Variants in ANP32E observed in about 807,000 individuals in gnomAD.
ANP32E encodes acidic leucine-rich nuclear phosphoprotein 32 family member E.
ANP32E carries 14 observed loss-of-function variants against 35.3 expected under a neutral mutation model. That is an observed-to-expected ratio of 0.40 (90% confidence interval 0.26 to 0.62). ANP32E has a LOEUF of 0.62. Ranked by LOEUF, ANP32E falls within the 20% of genes least tolerant of loss-of-function variation. The pLI, the probability that ANP32E is intolerant of heterozygous loss-of-function variation, is 0.45. For missense variants in ANP32E, 198 were observed against 304.4 expected, an observed-to-expected ratio of 0.65 and a Z score of 2.60; for synonymous variants, 89 against 110.4, an observed-to-expected ratio of 0.81 and a Z score of 1.22.
intron 1 of ANP32E, among the ~76,000 whole-genome samples, chr1:150,233,494 T>G (rs1572034127): frequency 6.6e-6 from 1 of 152,128 alleles, no homozygotes; most frequent in East Asian, 1.9e-4. Context: ...CTTAACAAAA[T>G]GTTACTTCTC....
intron 1 of ANP32E, among the ~76,000 whole-genome samples, chr1:150,233,264 C>CA (rs60732970): frequency 0.033 from 2,791 of 85,356 alleles, 49 homozygotes; most frequent in Middle Eastern, 0.056. Flanking sequence ...GACTCTATCT[C>CA]AAAAAAAAAA....
chr1:150,226,007 G>GTTTTT (rs34846816), intron 5 of ANP32E, among the ~76,000 whole-genome samples: 4 of 138,356 alleles, frequency 2.9e-5, no homozygotes, highest in Non-Finnish European at 3.1e-5. Flanking sequence ...GATATAACCT[G>GTTTTT]TTTTTTTTTT....
At position 150,228,085 on chromosome 1, in the gene ANP32E, T is replaced by C. The variant is rs776718362; in HGVS notation, c.493+987A>G. On this transcript the variant is annotated intron_variant, in intron 4 of 6. Coordinates refer to ENST00000583931, the MANE Select transcript of ANP32E (RefSeq NM_030920.5). ...TATTCTGAACCATATATATATTATA[T>C]ATATATATATGGTTTTTTGTTTGCT... is the stretch of plus-strand genomic sequence containing the variant. Among the ~76,000 whole-genome samples, 211 of 151,384 alleles carry C rather than the reference T, an allele frequency of 1.4e-3. 1 individual carries two copies. The highest frequency in any genetic ancestry group is 2.5e-3 in the Non-Finnish European group (173 of 67,856).
rs1423439530 is a variant in ANP32E at position 150,220,700 on chromosome 1, T to C, written c.798A>G (p.Glu266=). 3 of 1,613,432 alleles carry C rather than the reference T, an allele frequency of 1.9e-6. No homozygotes were observed. Among genetic ancestry groups the C allele is most frequent in the Non-Finnish European group, 2.5e-6 (3 of 1,179,504 alleles). Residue 266 remains glutamate (E), a synonymous_variant, in exon 7 of 7, where the codon GAA becomes GAG. Coordinates refer to ENST00000583931, the MANE Select transcript of ANP32E (RefSeq NM_030920.5). The stretch of plus-strand genomic sequence containing the variant: ...CTGGTCTTAGAATGATCTAGTCATC[T>C]TCTTCCTCTCCATCGTCTTCAGCAT... ...KRDAEDDGEE[E]DD is the part of the protein sequence containing the mutation.
intron 4 of ANP32E, among the ~76,000 whole-genome samples, chr1:150,227,806 T>TTTTTTTTTTTTTTTTTTTTTTGAG (rs1553840516): frequency 1.4e-5 from 2 of 142,370 alleles, no homozygotes; most frequent in African/African-American, 2.5e-5. Flanking sequence ...AATTTCTTTT[T>TTTTTTTTTTTTTTTTTTTTTTGAG]ACGATGAAGA....
rs1648153977 is a variant in ANP32E at position 150,219,201 on chromosome 1, C to T, written c.*1490G>A. On this transcript the variant is annotated 3_prime_UTR_variant, in exon 7 of 7. Transcript: ENST00000583931. ...TTTGCTGACACTAACTTCTTAAAAACTTACAAATATTCAAAACAAAGGGAA... is the reference window on the plus strand; with the variant it reads ...TTTGCTGACACTAACTTCTTAAAAATTTACAAATATTCAAAACAAAGGGAA... 6.6e-6 allele frequency: 1 copy of T among 152,080 alleles called. No homozygotes were observed. Among genetic ancestry groups the T allele is most frequent in the Non-Finnish European group, 1.5e-5 (1 of 68,000 alleles). 9.4% of individuals were successfully genotyped at this position (152,080 alleles called of 1,614,324 possible). A position where few individuals can be genotyped will look rare whatever the true frequency, so the allele number is the denominator to read the frequency against.
At position 150,223,195 on chromosome 1, in the gene ANP32E, C is replaced by T. The variant is rs782743734; in HGVS notation, c.727G>A (p.Glu243Lys). Residue 243 changes from glutamate to lysine, a missense_variant, in exon 6 of 7, where the codon GAA (glutamate) becomes AAA (lysine). By Grantham distance (56) the Glu-to-Lys change is moderately conservative. Transcript: ENST00000583931. ...GGCTAATGTAACTCACCCTCTTCTTCCTCTTCTTCCCCTTCTTCAACATAG... is the reference window on the plus strand; with the variant it reads ...GGCTAATGTAACTCACCCTCTTCTTTCTCTTCTTCCCCTTCTTCAACATAG... ...DDYVEEGEEE[E>K]EEEEGGLRGE... 36 of 1,520,014 alleles carry T rather than the reference C, an allele frequency of 2.4e-5. No homozygotes were observed. The highest frequency in any genetic ancestry group is 2.9e-5 in the Non-Finnish European group (32 of 1,118,094). 94.2% of individuals were successfully genotyped at this position (1,520,014 alleles called of 1,614,324 possible). A position where few individuals can be genotyped will look rare whatever the true frequency, so the allele number is the denominator to read the frequency against.
At position 150,229,384 on chromosome 1, in the gene ANP32E, G is replaced by A. The variant is rs1427078706; in HGVS notation, c.328-147C>T. On this transcript the variant is annotated intron_variant, in intron 3 of 6. Coordinates refer to ENST00000583931, the MANE Select transcript of ANP32E (RefSeq NM_030920.5). ...ACGATCTCTGCTCACTGCAACCTCC[G>A]CCTCCCGGGTTCAAGCGATTCTCTT... is the stretch of plus-strand genomic sequence containing the variant. 4.2e-5 allele frequency: 22 copies of A among 527,494 alleles called. No homozygotes were observed. In the South Asian group the frequency reaches 4.6e-4, roughly 11 times the overall value. The allele number at this position is 527,494 out of a possible 1,614,324, so 32.7% of individuals were successfully genotyped here.
chr1:150,228,080 T>A (rs587659353), intron 4 of ANP32E, among the ~76,000 whole-genome samples: 172 of 149,230 alleles, frequency 1.2e-3, no homozygotes, highest in Middle Eastern at 3.4e-3. Context: ...CATATATATA[T>A]TATATATATA....
chr1:150,229,895 A>C (rs1649218734), intron 3 of ANP32E, among the ~76,000 whole-genome samples: 1 of 152,274 alleles, frequency 6.6e-6, no homozygotes, highest in Non-Finnish European at 1.5e-5. Context: ...TACAGGCGCA[A>C]GCCACCGTGC....
intron 5 of ANP32E, among the ~76,000 whole-genome samples, chr1:150,223,927 T>G (rs971911858): frequency 2.4e-4 from 36 of 151,924 alleles, no homozygotes; most frequent in Admixed American, 2.6e-4. Context: ...GTATTTATAG[T>G]AGAGACAGGG....
rs1649692455 is a variant in ANP32E at position 150,235,376 on chromosome 1, G to A, written c.54+357C>T. On this transcript the variant is annotated intron_variant, in intron 1 of 6. Transcript: ENST00000583931. The surrounding 1 kb of genome is among the most constrained non-coding windows in gnomAD (Gnocchi z 4.2). ...CGGCAGGGGCTGAGTGGGACTGGGGGGTCGCGCCCACGCCGCCGGCCCCCA... is the reference window on the plus strand; with the variant it reads ...CGGCAGGGGCTGAGTGGGACTGGGGAGTCGCGCCCACGCCGCCGGCCCCCA... 6.6e-6 allele frequency among the ~76,000 whole-genome samples: 1 copy of A among 152,168 alleles called. No homozygotes were observed. Among genetic ancestry groups the A allele is most frequent in the Non-Finnish European group, 1.5e-5 (1 of 68,018 alleles).
intron 6 of ANP32E, among the ~76,000 whole-genome samples, chr1:150,222,405 C>T (rs1296393214): frequency 4.5e-5 from 6 of 133,344 alleles, no homozygotes; most frequent in South Asian, 5.0e-4. Flanking sequence ...GGCAACAGAG[C>T]GAGACTCCAT....
At chr1:150,231,317 G>C (rs1003768286) in intron 2 of ANP32E, among the ~76,000 whole-genome samples, 1 of 152,082 alleles carries the variant, frequency 6.6e-6, no homozygotes, top group Non-Finnish European at 1.5e-5. Context: ...TTTCTAGACC[G>C]GGCACAGAGG....
At chr1:150,225,623 A>G (rs2101770230) in intron 5 of ANP32E, among the ~76,000 whole-genome samples, 1 of 129,854 alleles carries the variant, frequency 7.7e-6, no homozygotes, top group East Asian at 2.6e-4. Context: ...GTGAGTCAAG[A>G]TCGCACCACT....
chr1:150,223,084 T>C (rs1362508857), intron 6 of ANP32E, 102 bp downstream of exon 6: 2 of 1,334,836 alleles, frequency 1.5e-6, no homozygotes, highest in Non-Finnish European at 2.0e-6. Context: ...AAAATTGGCA[T>C]TATAGGCTCA....
chr1:150,230,532 C>CA (rs1553841412), intron 3 of ANP32E, 39 bp downstream of exon 3: 2 of 1,511,992 alleles, frequency 1.3e-6, no homozygotes, highest in African/African-American at 1.4e-5. Context: ...AAAATTTAAC[C>CA]AAAAAAAGCA....
At chr1:150,223,499 G>A (rs1283377426) in intron 5 of ANP32E, among the ~76,000 whole-genome samples, 21 of 151,764 alleles carry the variant, frequency 1.4e-4, no homozygotes, top group African/African-American at 4.8e-4. Flanking sequence ...TGGCCAACAT[G>A]GTGAAACCCT....
At chr1:150,231,958 T>A in intron 1 of ANP32E, 32 bp from the exon 2 acceptor site, 1 of 1,600,604 alleles carries the variant, frequency 6.2e-7, no homozygotes, top group African/African-American at 1.3e-5. Context: ...TTAATGATTC[T>A]TTAGTTTGTA....
Sources: allele counts gnomAD v4.1 joint callset (sites outside exome capture counted in the v4.1 genomes callset), GRCh38; gene constraint gnomAD v4.1.1; non-coding constraint Gnocchi (gnomAD v3.1); transcripts MANE v1.5; gene names NCBI Gene and HGNC (gene_info 2026-07-23, HGNC 2026-07-21).